PLAGL1: variants seen among roughly 807,000 people sequenced by gnomAD.
PLAGL1 encodes PLAG1 like zinc finger 1, also known as zinc finger protein PLAGL1.
Under a neutral mutation model 4.6 loss-of-function variants are expected in PLAGL1, and 1 was observed. The ratio of observed to expected loss-of-function variants is 0.22; its 90% CI spans 0.08 to 1.03. PLAGL1 has a LOEUF of 1.03. Ranked by LOEUF, PLAGL1 falls within the 50% of genes least tolerant of loss-of-function variation. The pLI is 0.58. For missense variants in PLAGL1, 464 were observed against 570.4 expected, an observed-to-expected ratio of 0.81 and a Z score of 1.90; for synonymous variants, 240 against 237.8, an observed-to-expected ratio of 1.01 and a Z score of -0.08.
Position 144,053,854 on chromosome 6 carries a change from G to C in PLAGL1, c.-151+10614C>G, listed in dbSNP as rs952457512. Among the ~76,000 whole-genome samples the C allele has an allele frequency of 6.6e-6, 1 of 152,144 alleles. No individual in the cohort carries two copies. Among genetic ancestry groups the C allele is most frequent in the South Asian group, 2.1e-4 (1 of 4,828 alleles). On this transcript the variant is annotated intron_variant, in intron 1 of 3. Transcript: ENST00000437412. The surrounding 1 kb of genome is among the most constrained non-coding windows in gnomAD (Gnocchi z 4.0). ...CAATAAAATATGATGAAACTTATTTGTCATCTCTGGGCTCAGCCTCTTTAA... is the reference window on the plus strand; with the variant it reads ...CAATAAAATATGATGAAACTTATTTCTCATCTCTGGGCTCAGCCTCTTTAA...
At position 143,970,611 on chromosome 6, in the gene PLAGL1, G is replaced by A. The variant is rs959833671; in HGVS notation, c.-543-1633C>T. ...CTTTATTTGGTCAGTCTGGGTGGAC[G>A]GGAAACTGTCTAAGAGGGAAATATC... On this transcript the variant is annotated intron_variant, in intron 2 of 7. Coordinates refer to ENST00000674357, the MANE Select transcript of PLAGL1 (RefSeq NM_001317162.2). This position sits in a 1 kb window ranked among gnomAD's most constrained non-coding sequence, Gnocchi z 5.8. 6.6e-5 allele frequency among the ~76,000 whole-genome samples: 10 copies of A among 152,084 alleles called. No homozygotes were observed. Among genetic ancestry groups the A allele is most frequent in the Admixed American group, 5.9e-4 (9 of 15,256 alleles).
intron 1 of PLAGL1, among the ~76,000 whole-genome samples, chr6:144,029,555 C>T (rs781489224): frequency 6.6e-6 from 1 of 152,226 alleles, no homozygotes; most frequent in Admixed American, 6.5e-5. Flanking sequence ...AAAAGATACT[C>T]CTCATCATAA....
intron 1 of PLAGL1, among the ~76,000 whole-genome samples, chr6:144,030,050 G>A (rs1796681061): frequency 6.6e-6 from 1 of 151,898 alleles, no homozygotes; most frequent in Non-Finnish European, 1.5e-5. Context: ...TCAGGAGATC[G>A]AGACCATCCT....
rs1402567548 is a variant in PLAGL1, at chr6:143,950,613, T to G, written c.-324-2153A>C. On this transcript the variant is annotated intron_variant, in intron 6 of 7. Transcript: ENST00000674357. This position sits in a 1 kb window ranked among gnomAD's most constrained non-coding sequence, Gnocchi z 6.3. ...GAAAATGCATCTTTTTCTCATTCCC[T>G]TTATAGCTGAACTCAAAATAGCACT... Among the ~76,000 whole-genome samples, 1 of 152,240 alleles carries G rather than the reference T, an allele frequency of 6.6e-6. No individual in the cohort carries two copies. Among genetic ancestry groups the G allele is most frequent in the African/African-American group, 2.4e-5 (1 of 41,462 alleles).
chr6:144,055,790 C>T lies in PLAGL1; in HGVS notation c.-151+8678G>A, dbSNP rs930106097. Among the ~76,000 whole-genome samples the T allele has an allele frequency of 6.6e-6, 1 of 152,178 alleles. No individual in the cohort carries two copies. Among genetic ancestry groups the T allele is most frequent in the African/African-American group, 2.4e-5 (1 of 41,436 alleles). On this transcript the variant is annotated intron_variant, in intron 1 of 3. Coordinates refer to the PLAGL1 transcript ENST00000437412. This position sits in a 1 kb window ranked among gnomAD's most constrained non-coding sequence, Gnocchi z 5.0. ...ATTTACATTATTAACGATAACAAGT[C>T]CTGGAAGAAAGAACCTCATCCCCAT...
upstream of PLAGL1, among the ~76,000 whole-genome samples, chr6:144,013,330 A>G (rs1795322316): frequency 6.6e-6 from 1 of 152,346 alleles, no homozygotes; most frequent in African/African-American, 2.4e-5. This position sits in a 1 kb window ranked among gnomAD's most constrained non-coding sequence, Gnocchi z 4.4. Context: ...AGACAATCAT[A>G]CAGATTATGC....
At chr6:144,011,702 G>A (rs1311236440), upstream of PLAGL1, among the ~76,000 whole-genome samples, 1 of 152,204 alleles carries the variant, frequency 6.6e-6, no homozygotes, top group Non-Finnish European at 1.5e-5. This position sits in a 1 kb window ranked among gnomAD's most constrained non-coding sequence, Gnocchi z 4.3. Flanking sequence ...AGAGGTGGGG[G>A]AAAAGGGGAT....
In PLAGL1 at chr6:144,055,828, G is replaced by A. The variant is rs955995835; in HGVS notation, c.-151+8640C>T. On this transcript the variant is annotated intron_variant, in intron 1 of 3. Coordinates refer to the PLAGL1 transcript ENST00000437412. This position sits in a 1 kb window ranked among gnomAD's most constrained non-coding sequence, Gnocchi z 5.0. ...ACCTCATCCCCATGAACGATACACA[G>A]CCACTGTCTTTCTTTGGGTACTACA... Among the ~76,000 whole-genome samples the A allele has an allele frequency of 1.3e-5, 2 of 152,166 alleles. No homozygotes were observed. Among genetic ancestry groups the A allele is most frequent in the African/African-American group, 2.4e-5 (1 of 41,442 alleles).
At position 143,953,152 on chromosome 6, in the gene PLAGL1, C is replaced by T. The variant is rs1053140150; in HGVS notation, c.-324-4692G>A. Among the ~76,000 whole-genome samples the T allele has an allele frequency of 1.3e-5, 2 of 152,248 alleles. No homozygotes were observed. Among genetic ancestry groups the T allele is most frequent in the Admixed American group, 6.5e-5 (1 of 15,292 alleles). ...TCTCTGTCACTGCCAGGCAGAGGCA[C>T]GAGTTCCTCCTCCACACGGTGAGGT... is the stretch of plus-strand genomic sequence containing the variant. On this transcript the variant is annotated intron_variant, in intron 6 of 7. Transcript: ENST00000674357. This position sits in a 1 kb window ranked among gnomAD's most constrained non-coding sequence, Gnocchi z 5.3.
At chr6:144,033,087 G>T (rs1796951452) in intron 1 of PLAGL1, among the ~76,000 whole-genome samples, 1 of 152,168 alleles carries the variant, frequency 6.6e-6, no homozygotes, top group Non-Finnish European at 1.5e-5. Flanking sequence ...TTCATTAGAT[G>T]AATTTTAGAA....
intron 2 of PLAGL1, among the ~76,000 whole-genome samples, chr6:143,969,782 AAAAC>A (rs1329640910): frequency 6.6e-6 from 1 of 151,812 alleles, no homozygotes; most frequent in Non-Finnish European, 1.5e-5. Context: ...ATGGGGGAAA[AAAAC>A]ACCCCACTTT....
intron 1 of PLAGL1, among the ~76,000 whole-genome samples, chr6:144,019,222 C>T (rs555285947): frequency 6.6e-6 from 1 of 152,156 alleles, no homozygotes; most frequent in Non-Finnish European, 1.5e-5. Flanking sequence ...TGCCTGTAAT[C>T]CCAGCACTTT....
At chr6:144,042,582 T>A (rs1241685898) in intron 1 of PLAGL1, among the ~76,000 whole-genome samples, 1 of 152,224 alleles carries the variant, frequency 6.6e-6, no homozygotes, top group Non-Finnish European at 1.5e-5. Flanking sequence ...TGTAGCCTTA[T>A]AGTATAGTTT....
At chr6:144,011,885 A>G (rs2089074183), upstream of PLAGL1, among the ~76,000 whole-genome samples, 1 of 152,196 alleles carries the variant, frequency 6.6e-6, no homozygotes, top group South Asian at 2.1e-4. This position sits in a 1 kb window ranked among gnomAD's most constrained non-coding sequence, Gnocchi z 4.3. Context: ...AGAAAGTGGG[A>G]AACTTTCCTG....
intron 1 of PLAGL1, among the ~76,000 whole-genome samples, chr6:143,993,031 G>A (rs944507740): frequency 1.1e-4 from 16 of 149,824 alleles, no homozygotes; most frequent in African/African-American, 3.2e-4. Context: ...GAAAACGGCC[G>A]GGTGCGGTGG....
rs746416846 is a variant in PLAGL1, at chr6:143,972,748, C to T, written c.-543-3770G>A. ...AGAGTTTCATATAATATCAATAATG[C>T]TTACTGTATCACTGTTTTCTTTCCT... On this transcript the variant is annotated intron_variant, in intron 2 of 7. Coordinates refer to ENST00000674357, the MANE Select transcript of PLAGL1 (RefSeq NM_001317162.2). This position sits in a 1 kb window ranked among gnomAD's most constrained non-coding sequence, Gnocchi z 6.8. Among the ~76,000 whole-genome samples, 2 of 151,926 alleles carry T rather than the reference C, an allele frequency of 1.3e-5. No individual in the cohort carries two copies. The highest frequency in any genetic ancestry group is 2.4e-5 in the African/African-American group (1 of 41,348).
chr6:144,028,337 G>C (rs1389967533), intron 1 of PLAGL1, among the ~76,000 whole-genome samples: 1 of 152,048 alleles, frequency 6.6e-6, no homozygotes, highest in Non-Finnish European at 1.5e-5. Context: ...CAGCTCCAAG[G>C]GTAAACACAT....
At position 143,982,005 on chromosome 6, in the gene PLAGL1, G is replaced by A. The variant is rs1360480276; in HGVS notation, c.-544+3130C>T. On this transcript the variant is annotated intron_variant, in intron 2 of 7. Transcript: ENST00000674357. The surrounding 1 kb of genome is among the most constrained non-coding windows in gnomAD (Gnocchi z 5.3). ...GGTTGTTTTTCCTGGCATTGTTCTA[G>A]GTGCTGGGGATTCACCACTGTGAAC... Among the ~76,000 whole-genome samples the A allele has an allele frequency of 2.6e-5, 4 of 152,150 alleles. No homozygotes were observed. The highest frequency in any genetic ancestry group is 9.7e-5 in the African/African-American group (4 of 41,436).
At chr6:144,052,595 T>C (rs999377819) in intron 1 of PLAGL1, among the ~76,000 whole-genome samples, 3 of 152,240 alleles carry the variant, frequency 2.0e-5, no homozygotes, top group African/African-American at 7.2e-5. Context: ...ATCTTGTTCA[T>C]ATGGTTGCAA....
Sources: allele counts gnomAD v4.1 joint callset (sites outside exome capture counted in the v4.1 genomes callset), GRCh38; gene constraint gnomAD v4.1.1; non-coding constraint Gnocchi (gnomAD v3.1); transcripts MANE v1.5; gene names NCBI Gene and HGNC (gene_info 2026-07-23, HGNC 2026-07-21).